FSD1L: variants seen among roughly 807,000 people sequenced by gnomAD.
FSD1L encodes fibronectin type III and SPRY domain containing 1 like, also known as FSD1-like protein.
Under a neutral mutation model 71.6 loss-of-function variants are expected in FSD1L, and 45 were observed. The ratio of observed to expected loss-of-function variants is 0.63; its 90% confidence interval spans 0.49 to 0.81. The LOEUF is 0.81. Ranked by LOEUF, FSD1L falls within the 30% of genes least tolerant of loss-of-function variation. The pLI is 0.00. For synonymous variants in FSD1L, 197 were observed against 207.2 expected, an observed-to-expected ratio of 0.95 and a Z score of 0.42; for missense variants, 561 against 618.1, an observed-to-expected ratio of 0.91 and a Z score of 0.98.
chr9:105,467,603 A>G (rs1210253232), intron 3 of FSD1L, among the ~76,000 whole-genome samples: 1 of 152,220 alleles, frequency 6.6e-6, no homozygotes, highest in Non-Finnish European at 1.5e-5. Flanking sequence ...TCTAGTCATT[A>G]GATGATTTAA....
At chr9:105,545,721 T>C (rs1249678357) in intron 13 of FSD1L, among the ~76,000 whole-genome samples, 1 of 152,168 alleles carries the variant, frequency 6.6e-6, no homozygotes, top group Non-Finnish European at 1.5e-5. Flanking sequence ...TATGCTGGAT[T>C]ACGTTTATTG....
At chr9:105,508,498 A>G (rs1834201185) in intron 8 of FSD1L, 119 bp from the exon 9 acceptor site, 2 of 637,532 alleles carry the variant, frequency 3.1e-6, no homozygotes, top group Non-Finnish European at 5.6e-6. Context: ...CTTTTAACAA[A>G]TTCATACTCT....
chr9:105,526,283 C>T, intron 10 of FSD1L: 1 of 1,606,520 alleles, frequency 6.2e-7, no homozygotes, highest in Admixed American at 1.7e-5. Flanking sequence ...TTAGAACCAA[C>T]AACATTTGAA....
chr9:105,506,451 T>G lies in FSD1L; in HGVS notation c.639T>G (p.Ser213=). 6.4e-7 allele frequency: 1 copy of G among 1,551,938 alleles called. No individual in the cohort carries two copies. Among genetic ancestry groups the G allele is most frequent in the Non-Finnish European group, 8.7e-7 (1 of 1,147,006 alleles). ...DPVECLVADN[S]VTVAWRMPEE... ...TAGAGTGTTTGGTGGCAGATAACTC[T>G]GTAACAGTGGCTTGGAGAATGCCAG... The change falls in exon 8 of 14, where the codon TCT becomes TCG. Residue 213 remains serine (S), a synonymous_variant. Transcript: ENST00000481272.
At chr9:105,444,511 A>G (rs71494536), upstream of FSD1L, among the ~76,000 whole-genome samples, 681 of 152,306 alleles carry the variant, frequency 4.5e-3, 3 homozygotes, top group Middle Eastern at 0.017. Flanking sequence ...AGATGGGGGA[A>G]TTTCAGAATA....
intron 5 of FSD1L, 127 bp downstream of exon 5, chr9:105,472,132 A>G (rs998396635): frequency 1.8e-6 from 2 of 1,124,262 alleles, no homozygotes; most frequent in African/African-American, 3.3e-5. Context: ...GGGTTTCTTG[A>G]TAAGTAAAAT....
At chr9:105,448,325 G>GTC in intron 1 of FSD1L, 90 bp downstream of exon 1, 1 of 1,245,662 alleles carries the variant, frequency 8.0e-7, no homozygotes, top group Non-Finnish European at 1.1e-6. Context: ...CTGTGGGTGC[G>GTC]CGGGGTGGGC....
chr9:105,485,328 A>G (rs188542117), intron 7 of FSD1L, among the ~76,000 whole-genome samples: 2 of 152,202 alleles, frequency 1.3e-5, no homozygotes, highest in Admixed American at 6.5e-5. Context: ...CAAAAAAGGC[A>G]AAACAAGAGA....
chr9:105,534,984 CT>C, intron 11 of FSD1L, 82 bp from the exon 12 acceptor site: 3 of 1,406,084 alleles, frequency 2.1e-6, no homozygotes, highest in Non-Finnish European at 1.9e-6. Flanking sequence ...ATTTTTGTGT[CT>C]TTTTTTGGGA....
intron 6 of FSD1L, among the ~76,000 whole-genome samples, chr9:105,481,063 T>C: frequency 6.6e-6 from 1 of 151,754 alleles, no homozygotes; most frequent in East Asian, 1.9e-4. Flanking sequence ...CTTGGGTTTT[T>C]TGCGTCTTCT....
chr9:105,443,868 G>C (rs1435723816), upstream of FSD1L, among the ~76,000 whole-genome samples: 3 of 152,118 alleles, frequency 2.0e-5, no homozygotes, highest in Non-Finnish European at 4.4e-5. Context: ...AATTTAATAT[G>C]AATTATATGA....
intron 8 of FSD1L, among the ~76,000 whole-genome samples, chr9:105,506,925 C>G (rs1001180132): frequency 1.3e-5 from 2 of 152,076 alleles, no homozygotes; most frequent in African/African-American, 4.8e-5. Flanking sequence ...GCACACGCCA[C>G]CACACTTAGC....
intron 13 of FSD1L, 28 bp downstream of exon 13, chr9:105,539,379 C>T (rs768084213): frequency 3.0e-6 from 3 of 991,896 alleles, no homozygotes; most frequent in Non-Finnish European, 4.4e-6. Flanking sequence ...CTTATATATA[C>T]CTAACATATT....
intron 7 of FSD1L, among the ~76,000 whole-genome samples, chr9:105,486,006 T>A (rs1564102815): frequency 6.8e-6 from 1 of 147,670 alleles, no homozygotes; most frequent in Non-Finnish European, 1.5e-5. Flanking sequence ...TTTCCTTGAA[T>A]ATATGGTCAG....
At position 105,546,656 on chromosome 9, in the gene FSD1L, G is replaced by T; in HGVS notation, c.*173G>T. On this transcript the variant is annotated 3_prime_UTR_variant, in exon 14 of 14. Transcript: ENST00000481272. ...CGAAGCATTTGCAGGAACCTACTGT[G>T]CAGTATCATAGAAGCAAGCAGATAC... 3 of 488,138 alleles carry T rather than the reference G, an allele frequency of 6.1e-6. 1 individual carries two copies. The Middle Eastern group carries it at 1.1e-3, about 171-fold the overall frequency. 30.2% of individuals were successfully genotyped at this position (488,138 alleles called of 1,614,324 possible). A position where few individuals can be genotyped will look rare whatever the true frequency, so the allele number is the denominator to read the frequency against.
intron 7 of FSD1L, chr9:105,500,661 A>G (rs1314481408): frequency 6.6e-6 from 1 of 152,154 alleles, no homozygotes; most frequent in Non-Finnish European, 1.5e-5. Context: ...CATGGTGAGA[A>G]CCTGGTAAGC....
chr9:105,530,641 ATATTTTTCAG>A lies in FSD1L; in HGVS notation c.1026-3851_1026-3842del, dbSNP rs539889215. On this transcript the variant is annotated intron_variant, in intron 10 of 13. Transcript: ENST00000481272. ...TTTGTTGCCCTGAGTTACTTGGGAAATATTTTTCAGAATGCATGTTTCCTCTCAGCAGACA... is the reference window on the plus strand; with the variant it reads ...TTTGTTGCCCTGAGTTACTTGGGAAAAATGCATGTTTCCTCTCAGCAGACA... 8.4e-4 allele frequency: 554 copies of A among 661,882 alleles called. 3 individuals carry two copies. The highest frequency in any genetic ancestry group is 8.3e-3 in the African/African-American group (459 of 54,982). The allele number at this position is 661,882 out of a possible 1,614,324, so 41.0% of individuals were successfully genotyped here.
intron 10 of FSD1L, chr9:105,525,135 T>G: frequency 6.4e-7 from 1 of 1,555,844 alleles, no homozygotes; most frequent in South Asian, 1.3e-5. Flanking sequence ...CCTACATCTT[T>G]CATGCTTTCA....
chr9:105,478,102 G>A (rs968653675), intron 5 of FSD1L, among the ~76,000 whole-genome samples: 3 of 152,218 alleles, frequency 2.0e-5, no homozygotes, highest in Admixed American at 6.5e-5. Context: ...AAAATTTGCC[G>A]GGCGTGGTGG....
Sources: allele counts gnomAD v4.1 joint callset (sites outside exome capture counted in the v4.1 genomes callset), GRCh38; gene constraint gnomAD v4.1.1; transcripts MANE v1.5; gene names NCBI Gene and HGNC (gene_info 2026-07-23, HGNC 2026-07-21).